RUFY3: variants seen among roughly 807,000 people sequenced by gnomAD.
RUFY3 encodes protein RUFY3.
A neutral mutation model predicts 84.0 loss-of-function variants in RUFY3; 34 were observed. The ratio of observed to expected loss-of-function variants is 0.40; its 90% confidence interval spans 0.31 to 0.54. The LOEUF is 0.54. RUFY3 is among the 20% of genes least tolerant of loss of function. The pLI is 0.39. For synonymous variants in RUFY3, 242 were observed against 252.9 expected, an observed-to-expected ratio of 0.96 and a Z score of 0.41; for missense variants, 507 against 736.8, an observed-to-expected ratio of 0.69 and a Z score of 3.61.
chr4:70,748,027 T>G (rs941023984), intron 1 of RUFY3, among the ~76,000 whole-genome samples: 1 of 152,206 alleles, frequency 6.6e-6, no homozygotes, highest in Non-Finnish European at 1.5e-5. Context: ...TTCATTTCCT[T>G]TATCTTTTCT....
At chr4:70,709,251 G>A (rs1231384320) in intron 1 of RUFY3, among the ~76,000 whole-genome samples, 3 of 152,132 alleles carry the variant, frequency 2.0e-5, no homozygotes, top group African/African-American at 4.8e-5. Context: ...TAATCTGCTA[G>A]GTTTTTATAC....
At chr4:70,762,405 A>G (rs140113262) in intron 1 of RUFY3, 114 bp from the exon 2 acceptor site, 1 of 879,528 alleles carries the variant, frequency 1.1e-6, no homozygotes, top group Non-Finnish European at 1.7e-6. Context: ...CTTAAAGGAA[A>G]CTGGCATTTT....
At chr4:70,726,420 T>C (rs540678643) in intron 1 of RUFY3, among the ~76,000 whole-genome samples, 1 of 152,280 alleles carries the variant, frequency 6.6e-6, no homozygotes, top group African/African-American at 2.4e-5. Context: ...TGGAGTGCAA[T>C]GGCGCTATCT....
At chr4:70,761,731 A>G (rs1333278055) in intron 1 of RUFY3, among the ~76,000 whole-genome samples, 1 of 152,230 alleles carries the variant, frequency 6.6e-6, no homozygotes, top group Non-Finnish European at 1.5e-5. Context: ...CATACACTGT[A>G]TGCTAAGACT....
Position 70,767,671 on chromosome 4 carries a change from A to G in RUFY3, c.573-867A>G, listed in dbSNP as rs1162201276. On this transcript the variant is annotated intron_variant, in intron 4 of 17. Coordinates refer to ENST00000381006, the MANE Select transcript of RUFY3 (RefSeq NM_001037442.4). The stretch of plus-strand genomic sequence containing the variant: ...CATTATAAGCAGTATTTAATTATCT[A>G]TGGGTCTTCACGAATTTTTTTTTTT... Among the ~76,000 whole-genome samples, 4 of 151,590 alleles carry G rather than the reference A, an allele frequency of 2.6e-5. No homozygotes were observed. In the East Asian group the frequency reaches 7.8e-4, roughly 29 times the overall value.
chr4:70,705,359 C>G, intron 1 of RUFY3: 1 of 1,188,640 alleles, frequency 8.4e-7, no homozygotes. Flanking sequence ...GAGGGCCGGC[C>G]CGGCCCCCGC....
chr4:70,755,430 G>A (rs1408087191), intron 1 of RUFY3, among the ~76,000 whole-genome samples: 2 of 152,102 alleles, frequency 1.3e-5, no homozygotes. Flanking sequence ...AGATTTTGCT[G>A]TATGAACATT....
At chr4:70,732,676 A>T (rs182461508) in intron 1 of RUFY3, among the ~76,000 whole-genome samples, 1 of 150,856 alleles carries the variant, frequency 6.6e-6, no homozygotes, top group Non-Finnish European at 1.5e-5. Flanking sequence ...CAAACACCGC[A>T]TGTTCTCACT....
chr4:70,734,449 AG>A, intron 1 of RUFY3: 1 of 985,358 alleles, frequency 1.0e-6, no homozygotes, highest in Non-Finnish European at 1.2e-6. Context: ...TGTGTTCAGA[AG>A]GCAGTCTCAG....
intron 1 of RUFY3, among the ~76,000 whole-genome samples, chr4:70,712,732 CA>C (rs1741123957): frequency 6.6e-6 from 1 of 152,112 alleles, no homozygotes; most frequent in Non-Finnish European, 1.5e-5. Flanking sequence ...CAATATTTTT[CA>C]AAATTCCTTA....
intron 16 of RUFY3, among the ~76,000 whole-genome samples, chr4:70,803,408 C>A (rs1282823004): frequency 1.3e-5 from 2 of 151,826 alleles, no homozygotes; most frequent in Non-Finnish European, 2.9e-5. Context: ...GTCACCCTGT[C>A]ATTTACCTCT....
At chr4:70,746,269 G>T (rs985505430) in intron 1 of RUFY3, among the ~76,000 whole-genome samples, 3 of 151,998 alleles carry the variant, frequency 2.0e-5, no homozygotes, top group Admixed American at 2.0e-4. Context: ...GCTTGAGCCC[G>T]GGAGGCGGAG....
chr4:70,793,331 C>T, intron 12 of RUFY3: 2 of 1,003,910 alleles, frequency 2.0e-6, no homozygotes, highest in South Asian at 4.2e-5. Context: ...AACTATAATT[C>T]CACATATAAG....
chr4:70,739,217 A>G (rs1271410637), intron 1 of RUFY3, among the ~76,000 whole-genome samples: 2 of 152,238 alleles, frequency 1.3e-5, no homozygotes, highest in Non-Finnish European at 2.9e-5. Flanking sequence ...TAATAATACT[A>G]TGGTTAGTTT....
intron 12 of RUFY3, chr4:70,792,959 T>C: frequency 3.0e-6 from 3 of 985,382 alleles, no homozygotes; most frequent in Non-Finnish European, 3.6e-6. Flanking sequence ...TTGGAAGGAG[T>C]GATCAAATAC....
chr4:70,795,878 A>G (rs76962955), intron 14 of RUFY3, among the ~76,000 whole-genome samples: 3,065 of 152,322 alleles, frequency 0.02, 118 homozygotes, highest in East Asian at 0.16. Context: ...TGTAAAGTGG[A>G]TGCCTAATGA....
intron 1 of RUFY3, among the ~76,000 whole-genome samples, chr4:70,709,721 C>T (rs537570474): frequency 6.6e-6 from 1 of 152,284 alleles, no homozygotes; most frequent in Admixed American, 6.5e-5. Flanking sequence ...TTGGAAGAGT[C>T]ACCCTGCTGT....
chr4:70,740,539 A>G (rs1016857628), intron 1 of RUFY3, among the ~76,000 whole-genome samples: 8 of 152,210 alleles, frequency 5.3e-5, no homozygotes, highest in Admixed American at 2.0e-4. Context: ...ATTAAATACA[A>G]TACAATAAAG....
intron 1 of RUFY3, among the ~76,000 whole-genome samples, chr4:70,739,761 G>A (rs1481683045): frequency 1.4e-5 from 2 of 144,586 alleles, no homozygotes; most frequent in South Asian, 2.2e-4. Flanking sequence ...CTCATCCAGA[G>A]AAAAAAGAAG....
Sources: allele counts gnomAD v4.1 joint callset (sites outside exome capture counted in the v4.1 genomes callset), GRCh38; gene constraint gnomAD v4.1.1; transcripts MANE v1.5; gene names NCBI Gene and HGNC (gene_info 2026-07-23, HGNC 2026-07-21).